The following MCF2L variants were observed in gnomAD, a reference collection of about 807,000 sequenced individuals.
MCF2L encodes guanine nucleotide exchange factor DBS.
A neutral mutation model predicts 153.4 loss-of-function variants in MCF2L; 97 were observed. The ratio of observed to expected loss-of-function variants is 0.63; its 90% confidence interval spans 0.54 to 0.75. The LOEUF is 0.75. MCF2L is among the 30% of genes least tolerant of loss of function. MCF2L has a pLI of 0.00. For missense variants in MCF2L, 1,347 were observed against 1,495.2 expected (o/e 0.90, Z 1.64); for synonymous variants, 659 against 632.2 (o/e 1.04, Z -0.64).
At chr13:112,902,305 C>A (rs1369378660) in exon 2 of MCF2L, 24 of 1,612,784 alleles carry the variant, frequency 1.5e-5, no homozygotes, top group Non-Finnish European at 1.7e-5. Flanking sequence ...AACGGATCAC[C>A]AAATTGATGT....
intron 1 of MCF2L, among the ~76,000 whole-genome samples, chr13:112,981,125 C>T (rs1006791665): frequency 1.3e-5 from 2 of 150,730 alleles, no homozygotes; most frequent in African/African-American, 4.9e-5. Context: ...GACCCCAAGA[C>T]GTCCCTTCCT....
chr13:113,010,443 G>C (rs2282308), intron 1 of MCF2L: 71,236 of 152,070 alleles, frequency 0.47, 16,876 homozygotes, highest in East Asian at 0.65. Flanking sequence ...GTGAGGAAAA[G>C]TCAGTGGTGG....
At chr13:113,001,521 A>C (rs1594577916) in intron 1 of MCF2L, 1 of 221,580 alleles carries the variant, frequency 4.5e-6, no homozygotes, top group Non-Finnish European at 8.4e-6. Context: ...TCTGCTAAGC[A>C]TGGCCCCTGC....
rs1388975255 is a variant in MCF2L at position 113,078,434 on chromosome 13, A to G, written c.1732A>G (p.Lys578Glu). 1.9e-6 allele frequency: 3 copies of G among 1,610,596 alleles called. No homozygotes were observed. The African/African-American group carries it at 4.0e-5, about 21-fold the overall frequency. Reference sequence around the variant, plus strand: ...CCGGAGAGGGCCCTACCGGAGGGCCAAGGTGAGGCTTGCCCAAGACAACCC... The same window carrying G: ...CCGGAGAGGGCCCTACCGGAGGGCCGAGGTGAGGCTTGCCCAAGACAACCC... ...ALRRGPYRRAKSEMSESRQGR... is the reference protein window; with the variant it reads ...ALRRGPYRRAESEMSESRQGR... Residue 578 changes from lysine to glutamate, a missense_variant and splice_region_variant, in exon 14 of 30, where the codon AAG becomes GAG. By Grantham distance (56) the Lys-to-Glu change is moderately conservative. Coordinates refer to ENST00000535094, the MANE Select transcript of MCF2L (RefSeq NM_001112732.3).
At chr13:113,037,001 C>T (rs907115744) in intron 3 of MCF2L, among the ~76,000 whole-genome samples, 1 of 152,244 alleles carries the variant, frequency 6.6e-6, no homozygotes, top group Non-Finnish European at 1.5e-5. Context: ...CTGGTCTGCA[C>T]ACTGGTGTTT....
At chr13:112,901,861 G>A (rs2081122532) in intron 1 of MCF2L, among the ~76,000 whole-genome samples, 1 of 152,216 alleles carries the variant, frequency 6.6e-6, no homozygotes, top group Admixed American at 6.5e-5. Flanking sequence ...GAGAACTAGG[G>A]ACGTCTATGT....
intron 21 of MCF2L, among the ~76,000 whole-genome samples, 185 bp downstream of exon 21, chr13:113,086,434 AGCCGGGTCCACAGACCCCACT>A (rs1177477117): frequency 3.9e-4 from 59 of 152,132 alleles, no homozygotes; most frequent in Non-Finnish European, 7.5e-4. Flanking sequence ...CAGACCCCAC[AGCCGGGTCCACAGACCCCACT>A]GGGCTCTCTG....
intron 1 of MCF2L, among the ~76,000 whole-genome samples, chr13:112,991,427 A>G (rs1443456475): frequency 1.4e-5 from 2 of 147,532 alleles, no homozygotes; most frequent in South Asian, 2.2e-4. Context: ...GACCTGATTC[A>G]CTGTGTTTTG....
Position 112,960,190 on chromosome 13 carries a change from G to T in MCF2L, c.170-54573G>T, listed in dbSNP as rs1372320762. Among the ~76,000 whole-genome samples the T allele has an allele frequency of 6.6e-6, 1 of 152,214 alleles. No individual in the cohort carries two copies. Among genetic ancestry groups the T allele is most frequent in the African/African-American group, 2.4e-5 (1 of 41,450 alleles). On this transcript the variant is annotated intron_variant, in intron 2 of 29. Transcript: ENST00000375608. The surrounding 1 kb of genome is among the most constrained non-coding windows in gnomAD (Gnocchi z 4.2). The stretch of plus-strand genomic sequence containing the variant: ...AGTTGGCTCATGGTCCTGGAGGCTT[G>T]GAAGCCCAAGATTGAGGGGCTGCAT...
chr13:112,961,623 G>A (rs2081827269), intron 2 of MCF2L, among the ~76,000 whole-genome samples: 1 of 152,244 alleles, frequency 6.6e-6, no homozygotes, highest in Admixed American at 6.5e-5. Flanking sequence ...GCCATGGCCT[G>A]GCCGGGACCT....
chr13:112,903,916 G>A (rs2081144698), intron 2 of MCF2L, among the ~76,000 whole-genome samples: 1 of 152,206 alleles, frequency 6.6e-6, no homozygotes, highest in South Asian at 2.1e-4. Flanking sequence ...GTTGTGCAGG[G>A]GGCTTCAGAA....
At chr13:112,997,283 C>T (rs1247919600) in intron 1 of MCF2L, among the ~76,000 whole-genome samples, 1 of 152,242 alleles carries the variant, frequency 6.6e-6, no homozygotes, top group African/African-American at 2.4e-5. Flanking sequence ...ATGCCATCTG[C>T]GCTTCCAGGT....
At chr13:112,922,193 C>A (rs2081359819) in intron 2 of MCF2L, among the ~76,000 whole-genome samples, 1 of 152,106 alleles carries the variant, frequency 6.6e-6, no homozygotes, top group South Asian at 2.1e-4. Context: ...GTAGAAGAAA[C>A]AGATAGTTTT....
rs1051728726 is a variant in MCF2L, at chr13:112,920,599, G to A, written c.169+18228G>A. Among the ~76,000 whole-genome samples, 11 of 151,928 alleles carry A rather than the reference G, an allele frequency of 7.2e-5. No homozygotes were observed. The East Asian group carries it at 9.7e-4, about 13-fold the overall frequency. ...TATGGCCTGCTGCCCTGCGGTTACCGGGCTGCTCTGAAGCTGGAGGGGAGC... is the reference window on the plus strand; with the variant it reads ...TATGGCCTGCTGCCCTGCGGTTACCAGGCTGCTCTGAAGCTGGAGGGGAGC... On this transcript the variant is annotated intron_variant, in intron 2 of 29. Transcript: ENST00000375608.
chr13:112,906,647 G>A (rs1330043510), intron 2 of MCF2L, among the ~76,000 whole-genome samples: 1 of 152,188 alleles, frequency 6.6e-6, no homozygotes, highest in African/African-American at 2.4e-5. Flanking sequence ...GGCTCTGGTG[G>A]GCCAGGTGAG....
chr13:113,021,494 T>G (rs1320066771), intron 2 of MCF2L, among the ~76,000 whole-genome samples: 1 of 152,112 alleles, frequency 6.6e-6, no homozygotes, highest in Non-Finnish European at 1.5e-5. Flanking sequence ...TGGACGTGGG[T>G]GGGGACCGGA....
At chr13:113,058,790 CTG>C (rs1430018787) in intron 4 of MCF2L, among the ~76,000 whole-genome samples, 3 of 133,128 alleles carry the variant, frequency 2.3e-5, no homozygotes, top group African/African-American at 5.9e-5. Flanking sequence ...TGAGTGGACA[CTG>C]TGTATTTGGG....
intron 1 of MCF2L, among the ~76,000 whole-genome samples, chr13:112,981,823 C>T (rs1193795328): frequency 6.6e-6 from 1 of 152,248 alleles, no homozygotes; most frequent in Non-Finnish European, 1.5e-5. Flanking sequence ...GCATGGACGC[C>T]TGGGGACTGA....
At chr13:113,003,285 A>AG (rs150664947) in intron 1 of MCF2L, among the ~76,000 whole-genome samples, 1,832 of 141,990 alleles carry the variant, frequency 0.013, 27 homozygotes, top group Non-Finnish European at 0.019. Flanking sequence ...GCACCATGGA[A>AG]GGCTTCGGGG....
Sources: allele counts gnomAD v4.1 joint callset (sites outside exome capture counted in the v4.1 genomes callset), GRCh38; gene constraint gnomAD v4.1.1; non-coding constraint Gnocchi (gnomAD v3.1); transcripts MANE v1.5; gene names NCBI Gene and HGNC (gene_info 2026-07-23, HGNC 2026-07-21).